TNRC6A: variants seen among roughly 807,000 people sequenced by gnomAD.
TNRC6A encodes trinucleotide repeat-containing gene 6A protein.
In TNRC6A, 44 loss-of-function variants were observed where a neutral mutation model predicts 221.2. The ratio of observed to expected loss-of-function variants is 0.20; its 90% CI spans 0.16 to 0.26. The LOEUF (loss-of-function observed/expected upper bound fraction) is 0.26, where lower values mean the gene tolerates loss of function less well. TNRC6A is among the 10% of genes least tolerant of loss of function. The pLI is 1.00. For missense variants in TNRC6A, 2,199 were observed against 2,404.4 expected, an observed-to-expected ratio of 0.91 and a Z score of 1.79; for synonymous variants, 847 against 838.5, an observed-to-expected ratio of 1.01 and a Z score of -0.18.
At chr16:24,669,127 G>C (rs1596637594) in intron 2 of TNRC6A, among the ~76,000 whole-genome samples, 1 of 152,096 alleles carries the variant, frequency 6.6e-6, no homozygotes, top group East Asian at 1.9e-4. Flanking sequence ...AATGTGAGTG[G>C]TACTCAGGAC....
chr16:24,736,730 A>C (rs2056777164), intron 2 of TNRC6A, among the ~76,000 whole-genome samples: 3 of 152,228 alleles, frequency 2.0e-5, no homozygotes, highest in Admixed American at 1.3e-4. Flanking sequence ...ATTAACCGAA[A>C]GGTTATCCAA....
chr16:24,717,084 A>ATTAT (rs550343463), intron 2 of TNRC6A, among the ~76,000 whole-genome samples: 96 of 151,614 alleles, frequency 6.3e-4, no homozygotes, highest in African/African-American at 2.1e-3. Flanking sequence ...GATAATTGCT[A>ATTAT]TTATTTATTT....
In TNRC6A at chr16:24,661,142, T is replaced by C. The variant is rs192468119; in HGVS notation, n.402+20133T>C. Among the ~76,000 whole-genome samples, 649 of 152,214 alleles carry C rather than the reference T, an allele frequency of 4.3e-3. 1 individual carries two copies. Among genetic ancestry groups the C allele is most frequent in the Middle Eastern group, 0.014 (4 of 292 alleles). The stretch of plus-strand genomic sequence containing the variant: ...GGCTTTTTGTTATGTGGATGAATTA[T>C]GTAGCGATGAATTCTGAGATTTTAG... On this transcript the variant is annotated intron_variant and non_coding_transcript_variant, in intron 2 of 2. Transcript: ENST00000566108.
intron 2 of TNRC6A, among the ~76,000 whole-genome samples, chr16:24,679,577 A>T (rs2055490693): frequency 6.6e-6 from 1 of 151,886 alleles, no homozygotes; most frequent in Non-Finnish European, 1.5e-5. Flanking sequence ...CCTGAGTTCT[A>T]GCAATTCTCC....
chr16:24,809,351 C>A lies in TNRC6A; in HGVS notation c.4542C>A (p.Gly1514=). The change falls in exon 18 of 25, where the codon GGC becomes GGA. Residue 1514 remains glycine (G), a splice_region_variant and synonymous_variant. Coordinates refer to ENST00000395799, the MANE Select transcript of TNRC6A (RefSeq NM_014494.4). ...TTGTTTTGTTTTTTAATTTTTCAGGCTTGAACTCAAACTTGAATGTAAATA... is the reference window on the plus strand; with the variant it reads ...TTGTTTTGTTTTTTAATTTTTCAGGATTGAACTCAAACTTGAATGTAAATA... ...PINAFSNFPI[G]LNSNLNVNMD... The A allele has an allele frequency of 6.6e-7, 1 of 1,520,542 alleles. No homozygotes were observed. Among genetic ancestry groups the A allele is most frequent in the Non-Finnish European group, 8.9e-7 (1 of 1,125,836 alleles). 94.2% of individuals were successfully genotyped at this position (1,520,542 alleles called of 1,614,324 possible). A position where few individuals can be genotyped will look rare whatever the true frequency, so the allele number is the denominator to read the frequency against.
rs1212555989 is a variant in TNRC6A at position 24,825,048 on chromosome 16, T to A, written c.*1241T>A. The A allele has an allele frequency of 6.6e-6, 1 of 152,660 alleles. No individual in the cohort carries two copies. Among genetic ancestry groups the A allele is most frequent in the Non-Finnish European group, 1.5e-5 (1 of 68,048 alleles). The allele number at this position is 152,660 out of a possible 1,614,324, so 9.5% of individuals were successfully genotyped here. On this transcript the variant is annotated 3_prime_UTR_variant, in exon 25 of 25. Transcript: ENST00000395799. ...TTCTGCTCTCTCGTGACTGTGTTAA[T>A]GTTTAACTGTTGTACCTTAAAGCCG...
chr16:24,774,668 A>G (rs1399598715), intron 4 of TNRC6A, among the ~76,000 whole-genome samples: 4 of 152,224 alleles, frequency 2.6e-5, no homozygotes, highest in Admixed American at 2.6e-4. Flanking sequence ...TTCAATTGCC[A>G]GATGCCACAC....
intron 5 of TNRC6A, among the ~76,000 whole-genome samples, chr16:24,781,681 TTCC>T (rs1567464666): frequency 6.6e-6 from 1 of 152,150 alleles, no homozygotes; most frequent in Non-Finnish European, 1.5e-5. Flanking sequence ...CCCGTACCAC[TTCC>T]TCCTCCTGCG....
intron 1 of TNRC6A, 72 bp downstream of exon 1, chr16:24,729,918 C>A: frequency 1.7e-6 from 2 of 1,190,412 alleles, no homozygotes; most frequent in Non-Finnish European, 1.0e-6. Context: ...CAACCCGCGG[C>A]GGCGGCAGCA....
At chr16:24,666,914 G>A (rs533562165) in intron 2 of TNRC6A, among the ~76,000 whole-genome samples, 2 of 151,376 alleles carry the variant, frequency 1.3e-5, no homozygotes, top group African/African-American at 2.4e-5. Context: ...TCAGGAGTTC[G>A]AGAGCAGCCT....
intron 4 of TNRC6A, among the ~76,000 whole-genome samples, chr16:24,761,037 A>G (rs1051868141): frequency 1.3e-5 from 2 of 152,228 alleles, no homozygotes; most frequent in Non-Finnish European, 2.9e-5. Flanking sequence ...TTTAAAAATC[A>G]GAAGAGTCTG....
In TNRC6A at chr16:24,714,937, C is replaced by T. The variant is rs538804083; in HGVS notation, n.403-35789C>T. On this transcript the variant is annotated intron_variant and non_coding_transcript_variant, in intron 2 of 2. Transcript: ENST00000566108. The stretch of plus-strand genomic sequence containing the variant: ...TGTCACCCAGGCTGGAGTGCAGTGG[C>T]GTGATCTCGGCTCACTGCAAGCTCC... Among the ~76,000 whole-genome samples, 279 of 149,606 alleles carry T rather than the reference C, an allele frequency of 1.9e-3. 4 individuals carry two copies. The highest frequency in any genetic ancestry group is 1.5e-3 in the South Asian group (7 of 4,726).
At chr16:24,774,995 A>G (rs1282036650) in intron 4 of TNRC6A, among the ~76,000 whole-genome samples, 1 of 151,866 alleles carries the variant, frequency 6.6e-6, no homozygotes, top group African/African-American at 2.4e-5. Flanking sequence ...AGTATTTTTG[A>G]TCCATGGTTG....
At position 24,645,834 on chromosome 16, in the gene TNRC6A, C is replaced by CAAAAAAAAAAAAAAAAAAAAAAAAAAA. The variant is rs36106864; in HGVS notation, n.402+4832_402+4858dup. ...GAAACATGACAAGACCCTGTATCTA[C>CAAAAAAAAAAAAAAAAAAAAAAAAAAA]AAAAAAAAAAAAAAAAAAAAAAAAA... On this transcript the variant is annotated intron_variant and non_coding_transcript_variant, in intron 2 of 2. Transcript: ENST00000566108. Among the ~76,000 whole-genome samples, 5 of 26,642 alleles carry CAAAAAAAAAAAAAAAAAAAAAAAAAAA rather than the reference C, an allele frequency of 1.9e-4. 1 individual carries two copies. The highest frequency in any genetic ancestry group is 2.8e-4 in the Non-Finnish European group (4 of 14,086). The allele number at this position is 26,642 out of a possible 152,430, so 17.5% of individuals were successfully genotyped here. A position where few individuals can be genotyped will look rare whatever the true frequency, so the allele number is the denominator to read the frequency against.
chr16:24,663,698 C>T (rs916357340), intron 2 of TNRC6A: 7 of 338,120 alleles, frequency 2.1e-5, no homozygotes, highest in African/African-American at 8.6e-5. Flanking sequence ...TGACAACACA[C>T]GCAAAACACT....
chr16:24,746,851 C>T (rs74248727), intron 2 of TNRC6A, among the ~76,000 whole-genome samples: 1,676 of 152,246 alleles, frequency 0.011, 22 homozygotes, highest in East Asian at 0.059. Flanking sequence ...GGGCATTCTA[C>T]CTCCAAGGTG....
At chr16:24,801,842 G>GGA (rs1245440782) in intron 11 of TNRC6A, among the ~76,000 whole-genome samples, 1 of 152,216 alleles carries the variant, frequency 6.6e-6, no homozygotes, top group Non-Finnish European at 1.5e-5. Context: ...GGAACAGCTT[G>GGA]GAGAGAGAGT....
chr16:24,819,351 CCTGG>C, intron 21 of TNRC6A, among the ~76,000 whole-genome samples: 1 of 152,104 alleles, frequency 6.6e-6, no homozygotes, highest in Non-Finnish European at 1.5e-5. Flanking sequence ...TTACTGTGTA[CCTGG>C]TCCCTGCATA....
upstream of TNRC6A, among the ~76,000 whole-genome samples, chr16:24,728,812 A>C (rs2056538869): frequency 6.6e-6 from 1 of 152,142 alleles, no homozygotes; most frequent in Admixed American, 6.5e-5. Flanking sequence ...TATGTATCTT[A>C]CTGTGTCTAC....
Sources: gnomAD v4.1 joint callset for allele counts (sites outside exome capture counted in the v4.1 genomes callset) on GRCh38, gnomAD v4.1.1 for gene constraint, MANE v1.5 for transcripts, NCBI Gene and HGNC (gene_info 2026-07-23, HGNC 2026-07-21) for gene names.